The following CACNA1C variants were observed in gnomAD, a reference collection of about 807,000 sequenced individuals.
CACNA1C encodes calcium voltage-gated channel subunit alpha1 C, also known as voltage-dependent L-type calcium channel subunit alpha-1C.
CACNA1C carries 30 observed loss-of-function variants against 229.0 expected under a neutral mutation model. The ratio of observed to expected loss-of-function variants is 0.13; its 90% CI spans 0.10 to 0.18. The LOEUF (loss-of-function observed/expected upper bound fraction) is 0.18, where lower values mean the gene tolerates loss of function less well. Ranked by LOEUF, CACNA1C falls within the 10% of genes least tolerant of loss-of-function variation. CACNA1C has a pLI of 1.00. For missense variants in CACNA1C, 1,658 were observed against 2,845.0 expected, an observed-to-expected ratio of 0.58 and a Z score of 9.49; for synonymous variants, 1,114 against 1,132.5, an observed-to-expected ratio of 0.98 and a Z score of 0.33.
chr12:2,394,879 T>A (rs2098545013), intron 3 of CACNA1C, among the ~76,000 whole-genome samples: 2 of 152,224 alleles, frequency 1.3e-5, no homozygotes, highest in Admixed American at 1.3e-4. Context: ...ATAAGCTGTA[T>A]CTGCAAAGCC....
intron 3 of CACNA1C, among the ~76,000 whole-genome samples, chr12:2,256,546 G>A (rs867767920): frequency 1.3e-5 from 2 of 152,270 alleles, no homozygotes; most frequent in Non-Finnish European, 2.9e-5. Context: ...CCTGATGAGC[G>A]TACAGGGTTC....
intron 29 of CACNA1C, among the ~76,000 whole-genome samples, chr12:2,629,771 C>T (rs1354343193): frequency 6.6e-6 from 1 of 152,230 alleles, no homozygotes; most frequent in East Asian, 1.9e-4. Flanking sequence ...CCACAATTCT[C>T]GTGCATGTGA....
intron 3 of CACNA1C, among the ~76,000 whole-genome samples, chr12:2,232,980 G>C (rs1292960402): frequency 1.3e-5 from 2 of 152,074 alleles, no homozygotes; most frequent in African/African-American, 4.8e-5. Context: ...GATATTCCAG[G>C]CACATCTTTT....
At chr12:2,130,082 C>T (rs1029242324) in intron 3 of CACNA1C, among the ~76,000 whole-genome samples, 2 of 151,922 alleles carry the variant, frequency 1.3e-5, no homozygotes, top group East Asian at 1.9e-4. Context: ...GGATTGGCGC[C>T]TTCTAACTAA....
chr12:2,586,325 TG>T (rs1367038801), intron 18 of CACNA1C, among the ~76,000 whole-genome samples: 1 of 152,222 alleles, frequency 6.6e-6, no homozygotes, highest in African/African-American at 2.4e-5. Context: ...CAGGGACAGC[TG>T]CCACCACAGA....
At chr12:2,413,087 G>A (rs1379083817) in intron 3 of CACNA1C, among the ~76,000 whole-genome samples, 2 of 152,120 alleles carry the variant, frequency 1.3e-5, no homozygotes, top group East Asian at 1.9e-4. Flanking sequence ...GCGTGATCTC[G>A]GCTCACTGCA....
chr12:2,023,282 G>A (rs1204899604), intron 1 of CACNA1C, among the ~76,000 whole-genome samples: 1 of 152,206 alleles, frequency 6.6e-6, no homozygotes, highest in African/African-American at 2.4e-5. Flanking sequence ...GACAGCCTCA[G>A]TGGTCAGGGA....
intron 3 of CACNA1C, among the ~76,000 whole-genome samples, chr12:2,148,919 C>T (rs1170293061): frequency 1.3e-5 from 2 of 152,176 alleles, no homozygotes; most frequent in Non-Finnish European, 2.9e-5. Flanking sequence ...CCCTGGGACT[C>T]ATTGCTTTGC....
At chr12:1,991,028 TC>T (rs1469619718) in intron 1 of CACNA1C, 1 of 434,194 alleles carries the variant, frequency 2.3e-6, no homozygotes, top group African/African-American at 2.1e-5. Flanking sequence ...AGTAAATAGA[TC>T]CATTCCCTTT....
chr12:2,049,815 G>A (rs1054222401), upstream of CACNA1C, among the ~76,000 whole-genome samples: 2 of 152,158 alleles, frequency 1.3e-5, no homozygotes, highest in African/African-American at 4.8e-5. Context: ...AATTCACAAT[G>A]GTCTCCTTTT....
In CACNA1C at chr12:2,008,552, C is replaced by T. The variant is rs11062064; in HGVS notation, c.139+37351C>T. On this transcript the variant is annotated intron_variant, in intron 1 of 46. Transcript: ENST00000682462. ...TAAATGCTTATTCTTTTGAACTAAA[C>T]CCTGAGTTAGTTGAATTTACTCATT... Among the ~76,000 whole-genome samples, 286 of 152,160 alleles carry T rather than the reference C, an allele frequency of 1.9e-3. 6 individuals are homozygous for T. The East Asian group carries it at 0.047, about 25-fold the overall frequency.
At position 2,045,562 on chromosome 12, in the gene CACNA1C, A is replaced by C. The variant is rs114645534; in HGVS notation, c.140-69662A>C. ...AAGACCAAGTTCTGTGGGAAGAAGCATCCTCCATAGTGCAGCACCTTCGTC... is the reference window on the plus strand; with the variant it reads ...AAGACCAAGTTCTGTGGGAAGAAGCCTCCTCCATAGTGCAGCACCTTCGTC... On this transcript the variant is annotated intron_variant, in intron 1 of 46. Coordinates refer to the CACNA1C transcript ENST00000682462. 4.8e-3 allele frequency among the ~76,000 whole-genome samples: 736 copies of C among 152,296 alleles called. 8 individuals carry two copies. The highest frequency in any genetic ancestry group is 0.017 in the African/African-American group (710 of 41,554).
At chr12:2,247,897 G>A (rs939015031) in intron 3 of CACNA1C, among the ~76,000 whole-genome samples, 3 of 152,188 alleles carry the variant, frequency 2.0e-5, no homozygotes, top group Admixed American at 1.3e-4. Flanking sequence ...AGGAGAAAAG[G>A]TGCTGTGGCC....
intron 1 of CACNA1C, among the ~76,000 whole-genome samples, chr12:2,041,270 CTTTT>C (rs58922699): frequency 3.3e-5 from 3 of 91,008 alleles, no homozygotes; most frequent in Non-Finnish European, 6.2e-5. Context: ...TAAGGGTATT[CTTTT>C]TTTTTTTTTT....
chr12:2,532,781 CAG>C (rs1172711461), intron 9 of CACNA1C, among the ~76,000 whole-genome samples: 4 of 152,184 alleles, frequency 2.6e-5, no homozygotes, highest in African/African-American at 9.7e-5. Context: ...ATTTAAGACT[CAG>C]AAGGAGACAG....
At chr12:2,144,405 CT>C (rs891967726) in intron 3 of CACNA1C, among the ~76,000 whole-genome samples, 10 of 151,310 alleles carry the variant, frequency 6.6e-5, no homozygotes, top group African/African-American at 1.9e-4. Context: ...AAAGTTCAGT[CT>C]AAGATCATTC....
intron 3 of CACNA1C, among the ~76,000 whole-genome samples, chr12:2,434,943 A>G (rs1405558182): frequency 6.6e-6 from 1 of 152,198 alleles, no homozygotes; most frequent in Non-Finnish European, 1.5e-5. Context: ...CTTGGCACAT[A>G]TCACCCTTTG....
intron 11 of CACNA1C, among the ~76,000 whole-genome samples, chr12:2,559,098 A>C (rs1005916432): frequency 4.6e-5 from 7 of 152,268 alleles, no homozygotes; most frequent in African/African-American, 1.4e-4. Flanking sequence ...GTAAGACAAT[A>C]GACTTGACAC....
chr12:2,225,536 G>A (rs1038841975), intron 3 of CACNA1C, among the ~76,000 whole-genome samples: 4 of 152,168 alleles, frequency 2.6e-5, no homozygotes, highest in African/African-American at 4.8e-5. Context: ...ATGAAATTGC[G>A]ATACTGCCCC....
Sources: gnomAD v4.1 joint callset for allele counts (sites outside exome capture counted in the v4.1 genomes callset) on GRCh38, gnomAD v4.1.1 for gene constraint, MANE v1.5 for transcripts, NCBI Gene and HGNC (gene_info 2026-07-23, HGNC 2026-07-21) for gene names.